ARHGAP31: variants seen among roughly 807,000 people sequenced by gnomAD.
ARHGAP31 encodes Rho GTPase activating protein 31.
ARHGAP31 carries 34 observed loss-of-function variants against 113.9 expected under a neutral mutation model. The ratio of observed to expected loss-of-function variants is 0.30; its 90% CI spans 0.23 to 0.40. The LOEUF is 0.40. Ranked by LOEUF, ARHGAP31 falls within the 10% of genes least tolerant of loss-of-function variation. ARHGAP31 has a pLI of 1.00. For missense variants in ARHGAP31, 1,548 were observed against 1,767.1 expected (o/e 0.88, Z 2.22); for synonymous variants, 650 against 684.8 (o/e 0.95, Z 0.79).
chr3:119,358,948 A>G (rs1183058550), intron 1 of ARHGAP31, among the ~76,000 whole-genome samples: 1 of 152,076 alleles, frequency 6.6e-6, no homozygotes, highest in Non-Finnish European at 1.5e-5. Flanking sequence ...ACTAAAAATC[A>G]CTTAGTCGTA....
At chr3:119,316,339 A>G (rs1354138700) in intron 1 of ARHGAP31, among the ~76,000 whole-genome samples, 4 of 152,256 alleles carry the variant, frequency 2.6e-5, no homozygotes, top group Admixed American at 1.3e-4. Context: ...TGAGGGATAC[A>G]GGTTGAGAAT....
At chr3:119,407,834 C>G (rs570485043) in intron 10 of ARHGAP31, among the ~76,000 whole-genome samples, 1 of 152,094 alleles carries the variant, frequency 6.6e-6, no homozygotes, top group East Asian at 1.9e-4. Flanking sequence ...CAAGAAGGGG[C>G]CTTTTTATAT....
chr3:119,387,292 C>T (rs1363820835), intron 6 of ARHGAP31, among the ~76,000 whole-genome samples: 1 of 152,232 alleles, frequency 6.6e-6, no homozygotes, highest in Admixed American at 6.5e-5. Flanking sequence ...GTCTTCTGGT[C>T]ACACCTCACT....
At chr3:119,348,974 T>C (rs549569540) in intron 1 of ARHGAP31, among the ~76,000 whole-genome samples, 1 of 152,164 alleles carries the variant, frequency 6.6e-6, no homozygotes, top group African/African-American at 2.4e-5. Context: ...TGGTTCCCCA[T>C]AGGAGGCATT....
At chr3:119,407,044 C>T (rs1372667223) in intron 10 of ARHGAP31, among the ~76,000 whole-genome samples, 2 of 152,058 alleles carry the variant, frequency 1.3e-5, no homozygotes, top group African/African-American at 2.4e-5. Context: ...CAAATGAGGC[C>T]ACATCATAAA....
chr3:119,368,505 G>A lies in ARHGAP31; in HGVS notation c.337G>A (p.Glu113Lys). The A allele has an allele frequency of 1.9e-6, 3 of 1,614,112 alleles. No individual in the cohort carries two copies. Among genetic ancestry groups the A allele is most frequent in the Non-Finnish European group, 2.5e-6 (3 of 1,180,016 alleles). The change falls in exon 3 of 12, where the codon GAG becomes AAG. Residue 113 changes from glutamate (E) to lysine (K), a missense_variant. Glu to Lys is a moderately conservative substitution (Grantham distance 56). Coordinates refer to ENST00000264245, the MANE Select transcript of ARHGAP31 (RefSeq NM_020754.4). ...PNPLLTYELY[E>K]KFTEAVSHCP... is the part of the protein sequence containing the mutation. ...CCCCCTCCTGACTTATGAGCTCTATGAGAAATTCACGGTGAGTGTTTGGAT... is the reference window on the plus strand; with the variant it reads ...CCCCCTCCTGACTTATGAGCTCTATAAGAAATTCACGGTGAGTGTTTGGAT...
Position 119,414,793 on chromosome 3 carries a change from T to C in ARHGAP31, c.2864T>C (p.Leu955Pro), listed in dbSNP as rs763215003. The C allele has an allele frequency of 4.2e-5, 67 of 1,614,232 alleles. No homozygotes were observed. In the Middle Eastern group the frequency reaches 6.6e-4, roughly 16 times the overall value. The change falls in exon 12 of 12, where the codon CTA becomes CCA. Residue 955 changes from leucine (L) to proline (P), a missense_variant. Leu to Pro is a moderately conservative substitution (Grantham distance 98, BLOSUM62 -3). Coordinates refer to ENST00000264245, the MANE Select transcript of ARHGAP31 (RefSeq NM_020754.4). The stretch of plus-strand genomic sequence containing the variant: ...CCCAGCCTTCGCCAGAGCCATTCTC[T>C]AGATAGCAAACCCACGGTTAAAAGC... ...HRPSLRQSHSLDSKPTVKSQW... is the reference protein window; with the variant it reads ...HRPSLRQSHSPDSKPTVKSQW...
At chr3:119,337,286 G>C (rs556850895) in intron 1 of ARHGAP31, among the ~76,000 whole-genome samples, 1 of 152,190 alleles carries the variant, frequency 6.6e-6, no homozygotes, top group East Asian at 1.9e-4. Flanking sequence ...CAGGAGTGAA[G>C]CTGCAGACCT....
rs376066861 is a variant in ARHGAP31 at position 119,416,013 on chromosome 3, C to G, written c.4084C>G (p.Pro1362Ala). The G allele has an allele frequency of 6.3e-5, 101 of 1,614,096 alleles. No individual in the cohort carries two copies. Among genetic ancestry groups the G allele is most frequent in the Non-Finnish European group, 4.9e-5 (58 of 1,180,052 alleles). Residue 1362 changes from proline (P) to alanine (A), a missense_variant, in exon 12 of 12, where the codon CCT becomes GCT. Transcript: ENST00000264245. ...TTTCCCCATTATGGACCACCTGCCC[C>G]CTTCATCCACAGTGACAGATTCCAA... ...PPFPIMDHLPPSSTVTDSKVL... is the reference protein window; with the variant it reads ...PPFPIMDHLPASSTVTDSKVL...
chr3:119,345,853 G>T (rs2080051583), intron 1 of ARHGAP31, among the ~76,000 whole-genome samples: 1 of 152,128 alleles, frequency 6.6e-6, no homozygotes, highest in African/African-American at 2.4e-5. Flanking sequence ...AAATCTCTGG[G>T]ACATAAAAAG....
intron 1 of ARHGAP31, among the ~76,000 whole-genome samples, chr3:119,331,901 C>A (rs1238016536): frequency 3.9e-5 from 6 of 152,072 alleles, no homozygotes; most frequent in Non-Finnish European, 4.4e-5. Flanking sequence ...GCTGCCTGCA[C>A]CGCCTCACTA....
Position 119,416,398 on chromosome 3 carries a change from C to A in ARHGAP31, c.*134C>A. ...GGCCTCTGACTTCTCTTTCTTCAGC[C>A]TTTTGACCACTTATTAATTAGTCCA... is the stretch of plus-strand genomic sequence containing the variant. On this transcript the variant is annotated 3_prime_UTR_variant, in exon 12 of 12. Transcript: ENST00000264245. The A allele has an allele frequency of 8.0e-7, 1 of 1,245,282 alleles. No individual in the cohort carries two copies. Among genetic ancestry groups the A allele is most frequent in the Non-Finnish European group, 1.1e-6 (1 of 878,030 alleles). The allele number at this position is 1,245,282 out of a possible 1,614,324, so 77.1% of individuals were successfully genotyped here.
intron 10 of ARHGAP31, among the ~76,000 whole-genome samples, chr3:119,405,772 G>A (rs1351456516): frequency 6.6e-6 from 1 of 152,170 alleles, no homozygotes; most frequent in African/African-American, 2.4e-5. Context: ...TCCCTTTTGA[G>A]CTATAGAGAT....
At chr3:119,348,743 G>A (rs1225603578) in intron 1 of ARHGAP31, among the ~76,000 whole-genome samples, 3 of 152,258 alleles carry the variant, frequency 2.0e-5, no homozygotes, top group Non-Finnish European at 1.5e-5. Context: ...AAGCCTGTAC[G>A]TGTTCAGTAC....
At chr3:119,388,795 G>A (rs1346340452) in intron 6 of ARHGAP31, among the ~76,000 whole-genome samples, 1 of 152,178 alleles carries the variant, frequency 6.6e-6, no homozygotes, top group African/African-American at 2.4e-5. Flanking sequence ...AAGAAGATGA[G>A]AGGAGGTACC....
chr3:119,314,329 T>C (rs2079710718), intron 1 of ARHGAP31: 1 of 152,234 alleles, frequency 6.6e-6, no homozygotes, highest in African/African-American at 2.4e-5. Context: ...GCCCTTGGTG[T>C]GTGTTCTCAT....
chr3:119,415,932 C>T lies in ARHGAP31; in HGVS notation c.4003C>T (p.Pro1335Ser). Residue 1335 changes from proline to serine, a missense_variant, in exon 12 of 12, where the codon CCT becomes TCT. Physicochemically the swap from Pro to Ser is moderately conservative, Grantham distance 74 (BLOSUM62 -1). Transcript: ENST00000264245. ...AGAGCGACCATCTGGGGGTTCTAAGCCTTTCCACAGGTCAAGGCCAGGAAG... is the reference window on the plus strand; with the variant it reads ...AGAGCGACCATCTGGGGGTTCTAAGTCTTTCCACAGGTCAAGGCCAGGAAG... Reference protein sequence around the residue: ...KLERPSGGSKPFHRSRPGRPQ... With the variant: ...KLERPSGGSKSFHRSRPGRPQ... 6.2e-7 allele frequency: 1 copy of T among 1,614,198 alleles called. No individual in the cohort carries two copies. The highest frequency in any genetic ancestry group is 1.3e-5 in the African/African-American group (1 of 75,048).
At chr3:119,362,339 A>G (rs969137563) in intron 1 of ARHGAP31, among the ~76,000 whole-genome samples, 1 of 152,176 alleles carries the variant, frequency 6.6e-6, no homozygotes, top group Non-Finnish European at 1.5e-5. Flanking sequence ...CTAACTCACA[A>G]CCCAGACACT....
At chr3:119,301,665 C>T (rs566654362) in intron 1 of ARHGAP31, among the ~76,000 whole-genome samples, 23 of 152,236 alleles carry the variant, frequency 1.5e-4, no homozygotes, top group African/African-American at 4.8e-4. Flanking sequence ...CCAGGAATCA[C>T]CTCGCTGCAG....
Sources: allele counts gnomAD v4.1 joint callset (sites outside exome capture counted in the v4.1 genomes callset), GRCh38; gene constraint gnomAD v4.1.1; transcripts MANE v1.5; gene names NCBI Gene and HGNC (gene_info 2026-07-23, HGNC 2026-07-21).